The following LITAF variants were observed in gnomAD, a reference collection of about 807,000 sequenced individuals.
The protein encoded by LITAF is lipopolysaccharide-induced tumor necrosis factor-alpha factor.
In LITAF, 9 loss-of-function variants were observed where a neutral mutation model predicts 14.5. That is an observed-to-expected ratio of 0.62 (90% CI 0.37 to 1.08). LITAF has a LOEUF of 1.08. LITAF is among the 50% of genes least tolerant of loss of function. LITAF has a pLI of 0.01. For synonymous variants in LITAF, 98 were observed against 88.2 expected (o/e 1.11, Z -0.62); for missense variants, 206 against 213.4 (o/e 0.97, Z 0.22).
intron 3 of LITAF, among the ~76,000 whole-genome samples, chr16:11,622,860 T>C (rs1257671326): frequency 6.6e-6 from 1 of 152,208 alleles, no homozygotes; most frequent in Non-Finnish European, 1.5e-5. Context: ...AGACCTTTCA[T>C]GGGCCTCTGT....
intron 3 of LITAF, among the ~76,000 whole-genome samples, chr16:11,627,021 C>T (rs1334807104): frequency 1.3e-5 from 2 of 151,994 alleles, no homozygotes; most frequent in African/African-American, 2.4e-5. Context: ...CAAGCTTCTT[C>T]CAGTCTGATC....
chr16:11,567,117 G>A (rs770904927), intron 1 of LITAF, among the ~76,000 whole-genome samples: 5 of 152,062 alleles, frequency 3.3e-5, no homozygotes, highest in Non-Finnish European at 7.4e-5. Context: ...AGATCAAGTC[G>A]GGATAAAACA....
chr16:11,623,999 T>C (rs936648800), intron 3 of LITAF, among the ~76,000 whole-genome samples: 12 of 152,010 alleles, frequency 7.9e-5, no homozygotes, highest in Admixed American at 2.6e-4. Context: ...AGAATCACTC[T>C]CTTGGCCAGA....
chr16:11,554,900 G>C (rs1051936565), intron 2 of LITAF, among the ~76,000 whole-genome samples: 1 of 151,388 alleles, frequency 6.6e-6, no homozygotes, highest in East Asian at 1.9e-4. Context: ...TCCTTTTTAC[G>C]TTAGAATGTC....
At chr16:11,607,543 G>A (rs1241461723) in intron 3 of LITAF, among the ~76,000 whole-genome samples, 3 of 149,596 alleles carry the variant, frequency 2.0e-5, no homozygotes, top group Admixed American at 6.6e-5. Context: ...GGTATCATTC[G>A]GGAAAAAAAA....
intron 1 of LITAF, among the ~76,000 whole-genome samples, chr16:11,560,902 G>A (rs1284489775): frequency 6.6e-6 from 1 of 152,146 alleles, no homozygotes; most frequent in Non-Finnish European, 1.5e-5. Flanking sequence ...TTCCTCTGAC[G>A]TACAGGAACA....
At chr16:11,598,109 A>C (rs934180088) in intron 1 of LITAF, among the ~76,000 whole-genome samples, 3 of 151,924 alleles carry the variant, frequency 2.0e-5, no homozygotes, top group African/African-American at 7.3e-5. Context: ...TCCCAGGCTA[A>C]TCTTAAACTT....
intron 3 of LITAF, among the ~76,000 whole-genome samples, chr16:11,616,102 A>C (rs982899964): frequency 6.6e-6 from 1 of 152,182 alleles, no homozygotes; most frequent in East Asian, 1.9e-4. Context: ...CTCCACGGGG[A>C]CAGTGGCCCT....
intron 1 of LITAF, among the ~76,000 whole-genome samples, chr16:11,579,246 T>A (rs2064693225): frequency 1.3e-5 from 2 of 151,664 alleles, no homozygotes; most frequent in South Asian, 4.1e-4. Context: ...GGTCAGGAGA[T>A]CGAGACCATC....
At chr16:11,606,566 A>G (rs541165339) in intron 3 of LITAF, among the ~76,000 whole-genome samples, 2 of 152,328 alleles carry the variant, frequency 1.3e-5, no homozygotes, top group Non-Finnish European at 2.9e-5. Context: ...CTGGAAAACC[A>G]AAACATTTCT....
chr16:11,623,888 G>C lies in LITAF; in HGVS notation c.85+9645C>G, dbSNP rs375200025. On this transcript the variant is annotated intron_variant, in intron 3 of 3. Coordinates refer to the LITAF transcript ENST00000574848. ...AGGCTGAGGCAGGAGAATCTCTTGAGCCCGGGAGGCAGAGGTTGCAATGAG... is the reference window on the plus strand; with the variant it reads ...AGGCTGAGGCAGGAGAATCTCTTGACCCCGGGAGGCAGAGGTTGCAATGAG... Among the ~76,000 whole-genome samples the C allele has an allele frequency of 2.2e-4, 34 of 151,580 alleles. No individual in the cohort carries two copies. In the South Asian group the frequency reaches 7.1e-3, roughly 32 times the overall value.
chr16:11,601,150 A>T (rs2064924053), upstream of LITAF, among the ~76,000 whole-genome samples: 1 of 150,154 alleles, frequency 6.7e-6, no homozygotes. Flanking sequence ...ACCTGCCTCC[A>T]CACACACAGG....
chr16:11,637,922 ATATC>A (rs1183994587), upstream of LITAF, among the ~76,000 whole-genome samples: 159 of 104,424 alleles, frequency 1.5e-3, 44 homozygotes, highest in African/African-American at 7.0e-3. Flanking sequence ...ATCTATATCT[ATATC>A]TATATCTATA....
At chr16:11,592,607 G>A (rs2064854521) in intron 1 of LITAF, among the ~76,000 whole-genome samples, 1 of 150,996 alleles carries the variant, frequency 6.6e-6, no homozygotes, top group South Asian at 2.1e-4. Flanking sequence ...AAGGACTTGA[G>A]TAGACCTTAC....
intron 3 of LITAF, among the ~76,000 whole-genome samples, chr16:11,627,743 C>T (rs2065092698): frequency 1.3e-5 from 2 of 152,318 alleles, no homozygotes; most frequent in African/African-American, 4.8e-5. Flanking sequence ...ACTCTGGAGG[C>T]TGACGCAGGA....
rs913046615 is a variant in LITAF, at chr16:11,553,410, C to CA, written c.377+122dup. On this transcript the variant is annotated intron_variant, in intron 3 of 3. Coordinates refer to ENST00000622633, the MANE Select transcript of LITAF (RefSeq NM_001136472.2). The surrounding 1 kb of genome is among the most constrained non-coding windows in gnomAD (Gnocchi z 7.7). ...TGGGCGACAGAACCAGATTCCATCTCAAAAAAAAACAACACAAATGTCTGG... is the reference window on the plus strand; with the variant it reads ...TGGGCGACAGAACCAGATTCCATCTCAAAAAAAAAACAACACAAATGTCTGG... 3,821 of 1,068,630 alleles carry CA rather than the reference C, an allele frequency of 3.6e-3. 1 individual carries two copies. Among genetic ancestry groups the CA allele is most frequent in the Non-Finnish European group, 4.3e-3 (3,155 of 732,088 alleles). 66.2% of individuals were successfully genotyped at this position (1,068,630 alleles called of 1,614,324 possible).
At chr16:11,607,218 C>A (rs1314729136) in intron 3 of LITAF, among the ~76,000 whole-genome samples, 1 of 152,196 alleles carries the variant, frequency 6.6e-6, no homozygotes, top group Non-Finnish European at 1.5e-5. Flanking sequence ...AGCTGCCTTG[C>A]CAAGCTGGCC....
chr16:11,622,204 G>A (rs2065054930), intron 3 of LITAF, among the ~76,000 whole-genome samples: 1 of 152,300 alleles, frequency 6.6e-6, no homozygotes, highest in East Asian at 1.9e-4. Context: ...AGGCGGCATG[G>A]CTTGCTCATG....
intron 1 of LITAF, among the ~76,000 whole-genome samples, chr16:11,576,845 T>A (rs1464552190): frequency 1.3e-5 from 2 of 152,024 alleles, no homozygotes; most frequent in African/African-American, 4.8e-5. Context: ...TATTTGGGAG[T>A]CTTCTATTTG....
Sources: gnomAD v4.1 joint callset for allele counts (sites outside exome capture counted in the v4.1 genomes callset) on GRCh38, gnomAD v4.1.1 for gene constraint, Gnocchi (gnomAD v3.1) non-coding constraint, MANE v1.5 for transcripts, NCBI Gene and HGNC (gene_info 2026-07-23, HGNC 2026-07-21) for gene names.